Variants in DAGLB observed in about 807,000 individuals in gnomAD.
DAGLB encodes the protein diacylglycerol lipase-beta.
In DAGLB, 66 loss-of-function variants were observed where a neutral mutation model predicts 72.1. The ratio of observed to expected loss-of-function variants is 0.92; its 90% CI spans 0.75 to 1.12. The LOEUF is 1.12. Among genes scored for constraint, DAGLB ranks in the 50% most tolerant of loss-of-function variants. The pLI is 0.00. For synonymous variants in DAGLB, 414 were observed against 359.5 expected (o/e 1.15, Z -1.71); for missense variants, 1,065 against 884.9 (o/e 1.20, Z -2.58).
intron 8 of DAGLB, 179 bp from the exon 9 acceptor site, chr7:6,421,983 G>A (rs992807098): frequency 5.5e-6 from 4 of 721,990 alleles, no homozygotes; most frequent in Non-Finnish European, 9.8e-6. Flanking sequence ...GCTCCTGAGG[G>A]CCCTGATGGC....
At position 6,447,804 on chromosome 7, in the gene DAGLB, G is replaced by A; in HGVS notation, c.39C>T (p.Ile13=). The change falls in exon 1 of 15, where the codon ATC becomes ATT. Residue 13 remains isoleucine (I), a synonymous_variant. Transcript: ENST00000297056. ...CTGGGAAGACCAAGTCGTCGCTGGC[G>A]ATGGCCCAGCGCCGGCCGAAGAGTA... is the stretch of plus-strand genomic sequence containing the variant. ...GMVLFGRRWA[I]ASDDLVFPGF... is the part of the protein sequence containing the mutation. 1 of 1,613,280 alleles carries A rather than the reference G, an allele frequency of 6.2e-7. No homozygotes were observed. The highest frequency in any genetic ancestry group is 2.2e-5 in the East Asian group (1 of 44,834).
chr7:6,419,936 G>T (rs773641333), intron 9 of DAGLB, among the ~76,000 whole-genome samples: 1 of 152,168 alleles, frequency 6.6e-6, no homozygotes, highest in Middle Eastern at 3.2e-3. Flanking sequence ...GAGCCCAGGA[G>T]ATTCAAGACC....
rs1784453240 is a variant in DAGLB at position 6,430,562 on chromosome 7, G to C, written c.847C>G (p.Gln283Glu). The C allele has an allele frequency of 6.2e-7, 1 of 1,604,066 alleles. No homozygotes were observed. Among genetic ancestry groups the C allele is most frequent in the Non-Finnish European group, 8.5e-7 (1 of 1,173,438 alleles). Residue 283 changes from glutamine (Q) to glutamate (E), a missense_variant, in exon 6 of 15, where the codon CAG (glutamine) becomes GAG (glutamate). Gln to Glu is a conservative substitution (Grantham distance 29). Coordinates refer to ENST00000297056, the MANE Select transcript of DAGLB (RefSeq NM_139179.4). ...CACCCATAGGCCGCTGCTGCAAACTGCATGTAATGATGGCAGTTTTCTAAT... is the reference window on the plus strand; with the variant it reads ...CACCCATAGGCCGCTGCTGCAAACTCCATGTAATGATGGCAGTTTTCTAAT... Reference protein sequence around the residue: ...AELENCHHYMQFAAAAYGWPL... With the variant: ...AELENCHHYMEFAAAAYGWPL...
intron 9 of DAGLB, among the ~76,000 whole-genome samples, chr7:6,421,236 G>A (rs66634073): frequency 0.033 from 4,768 of 145,400 alleles, 534 homozygotes; most frequent in African/African-American, 0.11. Context: ...CAAGGCACTC[G>A]CTCTCTCTGA....
chr7:6,438,854 A>T (rs538910249), intron 2 of DAGLB, among the ~76,000 whole-genome samples: 239 of 148,036 alleles, frequency 1.6e-3, no homozygotes, highest in African/African-American at 5.3e-3. Context: ...ATTATTTTTT[A>T]AAAAAGATAA....
intron 9 of DAGLB, among the ~76,000 whole-genome samples, chr7:6,421,084 C>G (rs1287127932): frequency 6.6e-6 from 1 of 152,240 alleles, no homozygotes; most frequent in African/African-American, 2.4e-5. Flanking sequence ...AGGAGGATTA[C>G]TTGAGCCCAG....
chr7:6,432,275 G>A (rs1784509249), intron 5 of DAGLB, among the ~76,000 whole-genome samples: 1 of 150,398 alleles, frequency 6.6e-6, no homozygotes, highest in Admixed American at 6.6e-5. Flanking sequence ...TCACCCGGGA[G>A]GTGGAAGTTG....
At chr7:6,440,266 C>T (rs187505077) in intron 2 of DAGLB, among the ~76,000 whole-genome samples, 103 of 152,010 alleles carry the variant, frequency 6.8e-4, no homozygotes, top group African/African-American at 2.4e-3. Flanking sequence ...TGCCTGTAAT[C>T]CCAGCTACTT....
chr7:6,409,704 A>T lies in DAGLB; in HGVS notation c.*133T>A. The T allele has an allele frequency of 9.6e-7, 1 of 1,043,058 alleles. No individual in the cohort carries two copies. The highest frequency in any genetic ancestry group is 1.4e-6 in the Non-Finnish European group (1 of 730,800). The allele number at this position is 1,043,058 out of a possible 1,614,324, so 64.6% of individuals were successfully genotyped here. Reference sequence around the variant, plus strand: ...TAAACTTAAGTCATTGAGACCATGGAATTCTGTTCCCATCCGATTCCTGTT... The same window carrying T: ...TAAACTTAAGTCATTGAGACCATGGTATTCTGTTCCCATCCGATTCCTGTT... On this transcript the variant is annotated 3_prime_UTR_variant, in exon 15 of 15. Coordinates refer to ENST00000297056, the MANE Select transcript of DAGLB (RefSeq NM_139179.4).
chr7:6,417,994 C>G (rs1270504881), intron 9 of DAGLB, among the ~76,000 whole-genome samples: 1 of 152,054 alleles, frequency 6.6e-6, no homozygotes, highest in Non-Finnish European at 1.5e-5. Context: ...CCTCAGCCTC[C>G]TGAGTAACTG....
Position 6,446,089 on chromosome 7 carries a change from C to G in DAGLB, c.111G>C (p.Leu37=). ...TTCCTCTGTGCATGAGATACAACGTCAGAATGCCAATCCACCTGGCAAAAA... is the reference window on the plus strand; with the variant it reads ...TTCCTCTGTGCATGAGATACAACGTGAGAATGCCAATCCACCTGGCAAAAA... The part of the protein sequence containing the change: ...VVRVLWWIGI[L]TLYLMHRGKL... Residue 37 remains leucine, a synonymous_variant, in exon 2 of 15, where the codon CTG becomes CTC. Coordinates refer to ENST00000297056, the MANE Select transcript of DAGLB (RefSeq NM_139179.4). 1.9e-6 allele frequency: 3 copies of G among 1,580,528 alleles called. No individual in the cohort carries two copies. The highest frequency in any genetic ancestry group is 2.6e-6 in the Non-Finnish European group (3 of 1,167,606).
intron 2 of DAGLB, among the ~76,000 whole-genome samples, chr7:6,444,358 T>C (rs1398621965): frequency 2.0e-5 from 3 of 152,096 alleles, no homozygotes; most frequent in Admixed American, 2.0e-4. Context: ...TCCTAGCACT[T>C]TGGGAGGTCG....
intron 11 of DAGLB, among the ~76,000 whole-genome samples, chr7:6,414,435 C>A (rs1783836621): frequency 6.6e-6 from 1 of 151,972 alleles, no homozygotes; most frequent in Non-Finnish European, 1.5e-5. Flanking sequence ...GCCTCAGCCT[C>A]CCGGGTAGCT....
intron 5 of DAGLB, among the ~76,000 whole-genome samples, chr7:6,431,744 C>G (rs1046356264): frequency 6.6e-6 from 1 of 152,060 alleles, no homozygotes; most frequent in African/African-American, 2.4e-5. Flanking sequence ...TGCACTCCAG[C>G]CTGGGTGACA....
chr7:6,447,228 C>T (rs1303938565), intron 1 of DAGLB, among the ~76,000 whole-genome samples: 6 of 152,206 alleles, frequency 3.9e-5, no homozygotes, highest in Admixed American at 2.0e-4. Context: ...CCCACTGATT[C>T]CACACTTTGA....
At chr7:6,411,923 CAG>C (rs1783742329) in intron 13 of DAGLB, among the ~76,000 whole-genome samples, 3 of 151,986 alleles carry the variant, frequency 2.0e-5, no homozygotes, top group Admixed American at 6.6e-5. Context: ...TATCGGCAGA[CAG>C]AAATTTCTTC....
intron 1 of DAGLB, among the ~76,000 whole-genome samples, chr7:6,447,119 G>T (rs934738915): frequency 4.6e-5 from 7 of 152,192 alleles, no homozygotes; most frequent in Admixed American, 6.5e-5. Context: ...GATAACAGGC[G>T]TGAGCCATGG....
chr7:6,410,606 T>G (rs1038594737), intron 13 of DAGLB, among the ~76,000 whole-genome samples: 2 of 152,178 alleles, frequency 1.3e-5, no homozygotes, highest in African/African-American at 4.8e-5. Flanking sequence ...GGCTCTCTCT[T>G]GGGCAGTAAA....
chr7:6,416,653 G>GGCGTA lies in DAGLB; in HGVS notation c.1396_1400dup (p.Phe468ThrfsTer31). The GGCGTA allele has an allele frequency of 6.2e-7, 1 of 1,612,650 alleles. No homozygotes were observed. Among genetic ancestry groups the GGCGTA allele is most frequent in the Non-Finnish European group, 8.5e-7 (1 of 1,179,246 alleles). On this transcript the variant is annotated frameshift_variant, in exon 11 of 15. Coordinates refer to ENST00000297056, the MANE Select transcript of DAGLB (RefSeq NM_139179.4). LOFTEE classifies it high-confidence loss of function. ...TCCACAGCCCCCGGGGTGGGGAGAAGGCGTAGCACCTGACCTGCGGGTAGG... is the reference window on the plus strand; with the variant it reads ...TCCACAGCCCCCGGGGTGGGGAGAAGGCGTAGCGTAGCACCTGACCTGCGGGTAGG...
Sources: allele counts gnomAD v4.1 joint callset (sites outside exome capture counted in the v4.1 genomes callset), GRCh38; gene constraint gnomAD v4.1.1; transcripts MANE v1.5; gene names NCBI Gene and HGNC (gene_info 2026-07-23, HGNC 2026-07-21).